Variants in TANC1 observed in about 807,000 individuals in gnomAD.
The protein encoded by TANC1 is protein TANC1.
Under a neutral mutation model 149.7 loss-of-function variants are expected in TANC1, and 77 were observed. That is an observed-to-expected ratio of 0.51 (90% CI 0.43 to 0.62). TANC1 has a LOEUF of 0.62. TANC1 is among the 20% of genes least tolerant of loss of function. The pLI is 0.00. For synonymous variants in TANC1, 854 were observed against 925.0 expected (o/e 0.92, Z 1.39); for missense variants, 1,985 against 2,321.8 (o/e 0.85, Z 2.98).
rs187893281 is a variant in TANC1 at position 159,039,740 on chromosome 2, T to C, written c.-15-26156T>C. Among the ~76,000 whole-genome samples, 953 of 152,318 alleles carry C rather than the reference T, an allele frequency of 6.3e-3. 8 individuals carry two copies. The highest frequency in any genetic ancestry group is 0.021 in the African/African-American group (889 of 41,576). The stretch of plus-strand genomic sequence containing the variant: ...ACGGTTTGTTGTGATTTCTGTTCTT[T>C]TACATTTGCTGAGGAGTGCTTTATT... On this transcript the variant is annotated intron_variant, in intron 2 of 26. Transcript: ENST00000263635.
chr2:159,164,201 C>T (rs1435443997), intron 8 of TANC1, among the ~76,000 whole-genome samples: 1 of 152,036 alleles, frequency 6.6e-6, no homozygotes, highest in African/African-American at 2.4e-5. Context: ...ACAGTCAGTC[C>T]CCTGTATCTA....
chr2:159,143,286 A>T (rs974143106), intron 5 of TANC1, among the ~76,000 whole-genome samples: 5 of 152,120 alleles, frequency 3.3e-5, no homozygotes, highest in Admixed American at 2.0e-4. Flanking sequence ...CAACATTTGC[A>T]AAATCTGTAA....
intron 1 of TANC1, among the ~76,000 whole-genome samples, chr2:158,991,366 TAAAAG>T (rs2035612095): frequency 6.6e-6 from 1 of 152,138 alleles, no homozygotes; most frequent in Admixed American, 6.6e-5. Flanking sequence ...ATGCAGATGT[TAAAAG>T]AATGAGGTAG....
intron 1 of TANC1, among the ~76,000 whole-genome samples, chr2:158,992,375 AAAAG>A (rs1342334503): frequency 6.6e-6 from 1 of 152,020 alleles, no homozygotes; most frequent in African/African-American, 2.4e-5. Context: ...AAAAAAAAAA[AAAAG>A]AAAGTGTTTA....
rs868612589 is a variant in TANC1 at position 159,171,397 on chromosome 2, C to T, written c.1351+592C>T. Among the ~76,000 whole-genome samples, 4 of 152,138 alleles carry T rather than the reference C, an allele frequency of 2.6e-5. No individual in the cohort carries two copies. The South Asian group carries it at 6.2e-4, about 24-fold the overall frequency. On this transcript the variant is annotated intron_variant, in intron 10 of 26. Coordinates refer to ENST00000263635, the MANE Select transcript of TANC1 (RefSeq NM_033394.3). ...CTGTAATACCAACACTTTGGAAGGCCGAGGTGGGAGGATCGCTTGAGCCCA... is the reference window on the plus strand; with the variant it reads ...CTGTAATACCAACACTTTGGAAGGCTGAGGTGGGAGGATCGCTTGAGCCCA...
chr2:158,983,268 C>T (rs1195218547), intron 1 of TANC1, among the ~76,000 whole-genome samples: 3 of 151,856 alleles, frequency 2.0e-5, no homozygotes, highest in African/African-American at 7.3e-5. Flanking sequence ...GAGATCGAGA[C>T]CATCTTGGCT....
chr2:159,225,459 G>A (rs756735163), intron 23 of TANC1: 4 of 577,248 alleles, frequency 6.9e-6, no homozygotes, highest in South Asian at 4.2e-5. Context: ...GGATGCCTTC[G>A]TTTCTCATTA....
chr2:159,062,744 G>A (rs924165148), intron 2 of TANC1, among the ~76,000 whole-genome samples: 5 of 151,132 alleles, frequency 3.3e-5, no homozygotes, highest in Non-Finnish European at 7.4e-5. Flanking sequence ...GAGGCGGGTG[G>A]ATCATGAGGT....
chr2:159,223,941 G>A (rs1307633380), intron 22 of TANC1, among the ~76,000 whole-genome samples: 1 of 152,236 alleles, frequency 6.6e-6, no homozygotes, highest in East Asian at 1.9e-4. Flanking sequence ...TGTGGCCTGG[G>A]AAGTGGTGTG....
At chr2:158,995,094 C>A (rs921231368) in intron 1 of TANC1, among the ~76,000 whole-genome samples, 19 of 152,176 alleles carry the variant, frequency 1.2e-4, no homozygotes, top group Non-Finnish European at 2.6e-4. Flanking sequence ...GTGTAAGATA[C>A]CTATGCCTTG....
At position 159,199,065 on chromosome 2, in the gene TANC1, G is replaced by A; in HGVS notation, c.3244+12G>A. The A allele has an allele frequency of 6.2e-7, 1 of 1,607,388 alleles. No individual in the cohort carries two copies. The highest frequency in any genetic ancestry group is 1.1e-5 in the South Asian group (1 of 90,926). On this transcript the variant is annotated intron_variant, in intron 19 of 26. Transcript: ENST00000263635. Reference sequence around the variant, plus strand: ...GTGGGGAGAAACAGGTAATTATAATGCCACTGCTTGTAGTCTGGGGCAGCT... The same window carrying A: ...GTGGGGAGAAACAGGTAATTATAATACCACTGCTTGTAGTCTGGGGCAGCT...
intron 4 of TANC1, among the ~76,000 whole-genome samples, chr2:159,125,957 G>A (rs1241709629): frequency 6.6e-6 from 1 of 152,140 alleles, no homozygotes; most frequent in African/African-American, 2.4e-5. Flanking sequence ...CTGCATTCCT[G>A]TTTGTGGTTC....
At chr2:159,188,683 T>C (rs1205217326) in intron 16 of TANC1, among the ~76,000 whole-genome samples, 3 of 152,244 alleles carry the variant, frequency 2.0e-5, no homozygotes, top group African/African-American at 7.2e-5. Context: ...AAAACAATTG[T>C]GCTTGTGTGA....
Position 159,178,820 on chromosome 2 carries a change from A to T in TANC1, c.2167A>T (p.Ser723Cys). The change falls in exon 14 of 27, where the codon AGT (serine) becomes TGT (cysteine). Residue 723 changes from serine to cysteine, a missense_variant. Physicochemically the swap from Ser to Cys is moderately radical, Grantham distance 112. Transcript: ENST00000263635. ...CCAGAGGGGCCACTTGGTCATTAAG[A>T]GTGCCAGCTACAAGGTGGTGCCCGT... ...LFQRGHLVIK[S>C]ASYKVVPVSL... 1 of 1,614,190 alleles carries T rather than the reference A, an allele frequency of 6.2e-7. No homozygotes were observed. The highest frequency in any genetic ancestry group is 8.5e-7 in the Non-Finnish European group (1 of 1,180,030).
chr2:159,101,612 G>C (rs552121841), intron 4 of TANC1, among the ~76,000 whole-genome samples: 1 of 152,056 alleles, frequency 6.6e-6, no homozygotes, highest in East Asian at 1.9e-4. Flanking sequence ...TGAAAACAAG[G>C]ACCAGCATCC....
At position 159,230,302 on chromosome 2, in the gene TANC1, A is replaced by T. The variant is rs1191317803; in HGVS notation, c.4876A>T (p.Thr1626Ser). 2.5e-6 allele frequency: 4 copies of T among 1,613,996 alleles called. No individual in the cohort carries two copies. The East Asian group carries it at 6.7e-5, about 27-fold the overall frequency. ...ACACCCTTTACCAAGTAAGACGAAA[A>T]CCACAGAGAGGCTTCTGTCTCATTC... ...PAHPLPSKTK[T>S]TERLLSHSSV... Residue 1626 changes from threonine to serine, a missense_variant, in exon 27 of 27, where the codon ACC (threonine) becomes TCC (serine). Coordinates refer to ENST00000263635, the MANE Select transcript of TANC1 (RefSeq NM_033394.3). This position sits in a 1 kb window ranked among gnomAD's most constrained non-coding sequence, Gnocchi z 4.4.
At chr2:159,030,527 G>T (rs980919036) in intron 2 of TANC1, among the ~76,000 whole-genome samples, 6 of 152,120 alleles carry the variant, frequency 3.9e-5, no homozygotes, top group African/African-American at 1.4e-4. Flanking sequence ...GCTTTGAAGT[G>T]GTTGATAAGA....
rs922121532 is a variant in TANC1, at chr2:159,196,043, G to A, written c.2980-565G>A. Among the ~76,000 whole-genome samples the A allele has an allele frequency of 2.0e-4, 30 of 152,158 alleles. No homozygotes were observed. The South Asian group carries it at 5.8e-3, about 29-fold the overall frequency. On this transcript the variant is annotated intron_variant, in intron 17 of 26. Transcript: ENST00000263635. ...GCTGGCCTGCCCTGACTTTGTGGCCGCCCCCCCTTTACTTGCCAGCATGCC... is the reference window on the plus strand; with the variant it reads ...GCTGGCCTGCCCTGACTTTGTGGCCACCCCCCCTTTACTTGCCAGCATGCC...
chr2:159,219,915 C>T (rs760588913), intron 22 of TANC1, 48 bp downstream of exon 22: 1 of 1,599,646 alleles, frequency 6.3e-7, no homozygotes, highest in Non-Finnish European at 8.5e-7. Flanking sequence ...TGGAAAGAAA[C>T]CCCAGGAAGT....
Sources: allele counts gnomAD v4.1 joint callset (sites outside exome capture counted in the v4.1 genomes callset), GRCh38; gene constraint gnomAD v4.1.1; non-coding constraint Gnocchi (gnomAD v3.1); transcripts MANE v1.5; gene names NCBI Gene and HGNC (gene_info 2026-07-23, HGNC 2026-07-21).